Variants in GPHN observed in about 807,000 individuals in gnomAD.
The protein encoded by GPHN is gephyrin.
A neutral mutation model predicts 95.5 loss-of-function variants in GPHN; 17 were observed. That is an observed-to-expected ratio of 0.18 (90% confidence interval 0.12 to 0.27). The LOEUF is 0.27. GPHN is among the 10% of genes least tolerant of loss of function. The pLI is 1.00. For missense variants in GPHN, 660 were observed against 978.1 expected (o/e 0.67, Z 4.34); for synonymous variants, 320 against 322.5 (o/e 0.99, Z 0.08).
intron 2 of GPHN, among the ~76,000 whole-genome samples, chr14:66,741,255 A>G (rs140546258): frequency 5.0e-4 from 76 of 152,280 alleles, no homozygotes; most frequent in African/African-American, 1.7e-3. Context: ...AGATCTAGCA[A>G]TATTTATGAG....
the GPHN span, chr14:67,395,491 G>A: frequency 6.8e-6 from 11 of 1,613,876 alleles, no homozygotes; most frequent in African/African-American, 4.0e-5. Context: ...GAATAGCCCC[G>A]GTGATCTCAA....
chr14:66,921,444 G>GT (rs1161971475), intron 6 of GPHN, among the ~76,000 whole-genome samples: 2,495 of 129,094 alleles, frequency 0.019, 27 homozygotes, highest in Middle Eastern at 0.038. Context: ...TGATGGGATT[G>GT]TTTTTTTTTT....
chr14:67,069,277 A>C (rs887335483), intron 11 of GPHN, among the ~76,000 whole-genome samples: 6 of 152,014 alleles, frequency 3.9e-5, no homozygotes, highest in Admixed American at 2.6e-4. Context: ...CCTTTCCTCT[A>C]CTCTCCTAAC....
At chr14:67,369,797 C>G in the GPHN span, among the ~76,000 whole-genome samples, 2 of 152,120 alleles carry the variant, frequency 1.3e-5, no homozygotes, top group South Asian at 4.1e-4. Context: ...GTTATCTAGG[C>G]TTTTGTTTTA....
At chr14:66,788,411 G>C (rs2059858121) in intron 3 of GPHN, among the ~76,000 whole-genome samples, 1 of 152,128 alleles carries the variant, frequency 6.6e-6, no homozygotes, top group Non-Finnish European at 1.5e-5. Context: ...AATGACATAT[G>C]ATGATTTTAT....
intron 1 of GPHN, among the ~76,000 whole-genome samples, chr14:66,582,345 A>G (rs1041261234): frequency 6.6e-5 from 10 of 152,176 alleles, no homozygotes; most frequent in African/African-American, 9.6e-5. Context: ...TGAAAATACT[A>G]CATAACAAAA....
intron 1 of GPHN, among the ~76,000 whole-genome samples, chr14:66,565,635 A>G (rs2060431001): frequency 6.6e-6 from 1 of 152,112 alleles, no homozygotes; most frequent in Non-Finnish European, 1.5e-5. Context: ...TACTGACCAC[A>G]TGTGGTTGTT....
At chr14:67,127,581 A>G (rs1595272062) in intron 17 of GPHN, among the ~76,000 whole-genome samples, 1 of 152,276 alleles carries the variant, frequency 6.6e-6, no homozygotes, top group East Asian at 1.9e-4. Context: ...GTGGGCTGAG[A>G]TTTTGCATCT....
chr14:66,838,339 G>C (rs1240642681), intron 4 of GPHN, among the ~76,000 whole-genome samples: 1 of 151,950 alleles, frequency 6.6e-6, no homozygotes, highest in Non-Finnish European at 1.5e-5. Context: ...AAAATAAGTA[G>C]ATGATGGTGG....
intron 17 of GPHN, among the ~76,000 whole-genome samples, chr14:67,134,887 T>G (rs1403721461): frequency 6.6e-6 from 1 of 150,702 alleles, no homozygotes; most frequent in Non-Finnish European, 1.5e-5. Context: ...TTTTCTTTCT[T>G]TTTTCTTCTT....
At chr14:67,271,132 A>G in the GPHN span, 2 of 152,242 alleles carry the variant, frequency 1.3e-5, no homozygotes, top group Non-Finnish European at 2.9e-5. Context: ...ATACTTAATT[A>G]AGCAAACACT....
chr14:66,543,786 C>T lies in GPHN; in HGVS notation c.64+35195C>T, dbSNP rs112396129. Among the ~76,000 whole-genome samples the T allele has an allele frequency of 9.6e-3, 1,458 of 152,270 alleles. 20 individuals are homozygous for T. The highest frequency in any genetic ancestry group is 0.032 in the African/African-American group (1,349 of 41,562). On this transcript the variant is annotated intron_variant, in intron 1 of 22. Transcript: ENST00000478722. ...ATATCCCAGATGTGTCAATTCCCCACCACTTTCACTGCCATTACCCTGGTT... is the reference window on the plus strand; with the variant it reads ...ATATCCCAGATGTGTCAATTCCCCATCACTTTCACTGCCATTACCCTGGTT...
the GPHN span, chr14:67,334,611 A>ATTAAG: frequency 1.3e-5 from 2 of 152,562 alleles, no homozygotes; most frequent in African/African-American, 4.8e-5. Flanking sequence ...TGCATGGCCT[A>ATTAAG]TTAAGTTGGC....
chr14:66,516,901 G>A (rs1156339343), intron 1 of GPHN, among the ~76,000 whole-genome samples: 1 of 152,024 alleles, frequency 6.6e-6, no homozygotes, highest in Non-Finnish European at 1.5e-5. Flanking sequence ...GGAGGCTGAG[G>A]CGGGCAGATC....
At chr14:66,597,455 C>T (rs2062030927) in intron 1 of GPHN, among the ~76,000 whole-genome samples, 1 of 152,190 alleles carries the variant, frequency 6.6e-6, no homozygotes, top group Non-Finnish European at 1.5e-5. Flanking sequence ...CGTATCAGCA[C>T]TGCCCCAAGC....
chr14:66,842,350 T>C (rs2062134317), intron 4 of GPHN, among the ~76,000 whole-genome samples: 1 of 149,148 alleles, frequency 6.7e-6, no homozygotes, highest in African/African-American at 2.5e-5. Flanking sequence ...CCCACTGAAT[T>C]AGAAACCCGA....
chr14:67,105,122 A>G (rs990237957), intron 13 of GPHN, among the ~76,000 whole-genome samples: 5 of 151,868 alleles, frequency 3.3e-5, no homozygotes, highest in East Asian at 1.9e-4. Flanking sequence ...ATATTTTGTA[A>G]TTTCTACATG....
chr14:67,655,781 A>G, the GPHN span, among the ~76,000 whole-genome samples: 1 of 152,206 alleles, frequency 6.6e-6, no homozygotes, highest in Non-Finnish European at 1.5e-5. Context: ...TTCTCTTGCC[A>G]AAGAGAGAAT....
At chr14:67,690,565 G>A in the GPHN span, 2 of 672,382 alleles carry the variant, frequency 3.0e-6, no homozygotes, top group South Asian at 3.7e-5. Flanking sequence ...TAGAAAACAA[G>A]TTTAATGAAG....
Sources: allele counts gnomAD v4.1 joint callset (sites outside exome capture counted in the v4.1 genomes callset), GRCh38; gene constraint gnomAD v4.1.1; transcripts MANE v1.5; gene names NCBI Gene and HGNC (gene_info 2026-07-23, HGNC 2026-07-21).